The following CNTNAP3B variants were observed in gnomAD, a reference collection of about 807,000 sequenced individuals.
CNTNAP3B encodes the protein contactin-associated protein-like 3B.
A neutral mutation model predicts 108.9 loss-of-function variants in CNTNAP3B; 25 were observed. That is an observed-to-expected ratio of 0.23 (90% CI 0.17 to 0.32). The LOEUF is 0.32. CNTNAP3B is among the 10% of genes least tolerant of loss of function. The probability of loss-of-function intolerance (pLI) is 1.00; values close to 1 mark genes in which losing one functional copy is unlikely to be tolerated. For synonymous variants in CNTNAP3B, 103 were observed against 473.4 expected (o/e 0.22, Z 10.16); for missense variants, 252 against 1,210.4 (o/e 0.21, Z 11.75).
At chr9:41,957,417 T>C (rs2118176896) in intron 12 of CNTNAP3B, among the ~76,000 whole-genome samples, 1 of 72,704 alleles carries the variant, frequency 1.4e-5, no homozygotes, top group East Asian at 3.0e-4. Flanking sequence ...GTTTTCTTTT[T>C]GCAGGGGGTG....
At position 41,972,516 on chromosome 9, in the gene CNTNAP3B, G is replaced by A. The variant is rs567739593; in HGVS notation, c.1478-2271C>T. ...TGTTTAGATTTCCATTTTAATAACT[G>A]AAGCTTTATCTCTTTAACTTTAATA... On this transcript the variant is annotated intron_variant, in intron 9 of 23. Coordinates refer to ENST00000377561, the MANE Select transcript of CNTNAP3B (RefSeq NM_001201380.3). Among the ~76,000 whole-genome samples the A allele has an allele frequency of 3.6e-5, 5 of 138,142 alleles. No individual in the cohort carries two copies. In the East Asian group the frequency reaches 1.1e-3, roughly 30 times the overall value. The allele number at this position is 138,142 out of a possible 152,430, so 90.6% of individuals were successfully genotyped here.
chr9:42,054,950 G>C (rs1432324921), intron 3 of CNTNAP3B, among the ~76,000 whole-genome samples: 1 of 143,980 alleles, frequency 6.9e-6, no homozygotes, highest in African/African-American at 2.7e-5. Context: ...CTTCTTACCA[G>C]TACACTGATG....
chr9:42,096,023 C>T (rs1827891445), intron 2 of CNTNAP3B, among the ~76,000 whole-genome samples: 1 of 138,836 alleles, frequency 7.2e-6, no homozygotes. Flanking sequence ...CAGGCAGGAA[C>T]ATGGTCTTGC....
chr9:42,098,416 A>G (rs1389784088), intron 2 of CNTNAP3B, among the ~76,000 whole-genome samples: 2 of 20,510 alleles, frequency 9.8e-5, no homozygotes, highest in Non-Finnish European at 2.9e-4. Flanking sequence ...TACTAAAAAT[A>G]CAAAAAAAAA....
In CNTNAP3B at chr9:42,118,059, A is replaced by G. The variant is rs1390200094; in HGVS notation, c.85+10951T>C. ...ATAGCTTAACAACCAAAAAAAGTCC[A>G]GGACCAGATGGATTCACAGCCCAAT... On this transcript the variant is annotated intron_variant, in intron 1 of 23. Transcript: ENST00000377561. Among the ~76,000 whole-genome samples, 4 of 134,300 alleles carry G rather than the reference A, an allele frequency of 3.0e-5. 1 individual carries two copies. Among genetic ancestry groups the G allele is most frequent in the African/African-American group, 8.9e-5 (3 of 33,638 alleles). 88.1% of individuals were successfully genotyped at this position (134,300 alleles called of 152,430 possible).
chr9:41,917,028 G>A (rs1361451723), intron 18 of CNTNAP3B, among the ~76,000 whole-genome samples: 1 of 152,220 alleles, frequency 6.6e-6, no homozygotes, highest in Admixed American at 6.5e-5. Context: ...AAACTTCTTT[G>A]TGTCATCTGT....
At chr9:41,945,036 CAGAG>C (rs1824482890) in intron 13 of CNTNAP3B, among the ~76,000 whole-genome samples, 1 of 152,228 alleles carries the variant, frequency 6.6e-6, no homozygotes, top group African/African-American at 2.4e-5. Context: ...CACTGGCCAT[CAGAG>C]AAATGCAAAT....
chr9:42,108,124 G>C (rs1206465630), intron 1 of CNTNAP3B, among the ~76,000 whole-genome samples: 1 of 138,958 alleles, frequency 7.2e-6, no homozygotes, highest in Non-Finnish European at 1.5e-5. Context: ...ACACTACTGA[G>C]TCAGAGGGGA....
intron 15 of CNTNAP3B, chr9:41,926,768 C>G (rs1158433519): frequency 6.6e-6 from 1 of 152,312 alleles, no homozygotes; most frequent in African/African-American, 2.4e-5. Context: ...TCCATACTTT[C>G]AGAAGTCTTG....
chr9:42,061,338 TGAG>T (rs1236159513), intron 3 of CNTNAP3B, among the ~76,000 whole-genome samples: 3 of 83,050 alleles, frequency 3.6e-5, no homozygotes, highest in African/African-American at 1.5e-4. Context: ...TTTTTTTTTT[TGAG>T]ACAGTCTCGC....
chr9:42,020,626 A>T (rs1826295138), intron 3 of CNTNAP3B, among the ~76,000 whole-genome samples: 1 of 148,900 alleles, frequency 6.7e-6, no homozygotes, highest in African/African-American at 2.5e-5. Flanking sequence ...TTCAAGGAGA[A>T]TAAATGTCTG....
intron 13 of CNTNAP3B, among the ~76,000 whole-genome samples, chr9:41,940,746 C>CGGAGCCT (rs1824316191): frequency 6.6e-6 from 1 of 152,052 alleles, no homozygotes; most frequent in Non-Finnish European, 1.5e-5. Context: ...ACCCGGGAGG[C>CGGAGCCT]GGAGCCTGCA....
rs1215879373 is a variant in CNTNAP3B, at chr9:42,115,575, C to G, written c.86-10836G>C. On this transcript the variant is annotated intron_variant, in intron 1 of 23. Transcript: ENST00000377561. ...TCTGCAATATTTGCTGTTCTGCAGCCTCTGCTGGTGATACCCAGGCAAACA... is the reference window on the plus strand; with the variant it reads ...TCTGCAATATTTGCTGTTCTGCAGCGTCTGCTGGTGATACCCAGGCAAACA... Among the ~76,000 whole-genome samples, 2 of 133,750 alleles carry G rather than the reference C, an allele frequency of 1.5e-5. 1 individual carries two copies. Among genetic ancestry groups the G allele is most frequent in the Admixed American group, 1.5e-4 (2 of 13,242 alleles). 87.7% of individuals were successfully genotyped at this position (133,750 alleles called of 152,430 possible).
chr9:41,965,915 CT>C lies in CNTNAP3B; in HGVS notation c.1650-1272del, dbSNP rs1271161282. Among the ~76,000 whole-genome samples the C allele has an allele frequency of 7.2e-5, 11 of 152,122 alleles. No homozygotes were observed. In the South Asian group the frequency reaches 2.1e-3, roughly 29 times the overall value. On this transcript the variant is annotated intron_variant, in intron 10 of 23. Transcript: ENST00000377561. ...CTACCCTCCCCATGCCCCCAGCCCC[CT>C]ATCCTGGCTCTCCAGCACTGCACCA...
At chr9:41,963,289 A>G in intron 11 of CNTNAP3B, among the ~76,000 whole-genome samples, 1 of 152,156 alleles carries the variant, frequency 6.6e-6, no homozygotes, top group East Asian at 1.9e-4. Flanking sequence ...GTTTCCTTGA[A>G]GACCCAGGGA....
intron 2 of CNTNAP3B, among the ~76,000 whole-genome samples, chr9:42,103,300 G>T (rs1285263845): frequency 6.7e-6 from 1 of 148,886 alleles, no homozygotes; most frequent in East Asian, 1.9e-4. Flanking sequence ...AAGTTAAATT[G>T]TTCATGTTTC....
At chr9:41,951,263 A>C (rs1824672026) in intron 13 of CNTNAP3B, among the ~76,000 whole-genome samples, 2 of 139,392 alleles carry the variant, frequency 1.4e-5, no homozygotes, top group African/African-American at 2.7e-5. Flanking sequence ...TTATCTTTTC[A>C]AAAGAGGAGA....
At chr9:41,926,845 T>C (rs1360108044) in intron 15 of CNTNAP3B, 3 of 152,468 alleles carry the variant, frequency 2.0e-5, no homozygotes, top group African/African-American at 7.2e-5. Context: ...ACAGCCACAT[T>C]TGGAGAGAAA....
intron 1 of CNTNAP3B, among the ~76,000 whole-genome samples, chr9:42,120,481 C>G (rs1336587465): frequency 7.3e-6 from 1 of 137,416 alleles, no homozygotes; most frequent in Non-Finnish European, 1.6e-5. Flanking sequence ...GGGTATATAC[C>G]CAAAGGATTA....
Sources: allele counts gnomAD v4.1 joint callset (sites outside exome capture counted in the v4.1 genomes callset), GRCh38; gene constraint gnomAD v4.1.1; transcripts MANE v1.5; gene names NCBI Gene and HGNC (gene_info 2026-07-23, HGNC 2026-07-21).